The following PTPRD variants were observed in gnomAD, a reference collection of about 807,000 sequenced individuals.
PTPRD encodes receptor-type tyrosine-protein phosphatase delta.
PTPRD carries 34 observed loss-of-function variants against 214.5 expected under a neutral mutation model. That is an observed-to-expected ratio of 0.16 (90% CI 0.12 to 0.21). PTPRD has a LOEUF of 0.21. PTPRD is among the 10% of genes least tolerant of loss of function. The pLI, the probability that PTPRD is intolerant of heterozygous loss-of-function variation, is 1.00. For missense variants in PTPRD, 2,545 were observed against 2,398.7 expected (o/e 1.06, Z -1.27); for synonymous variants, 1,128 against 845.7 (o/e 1.33, Z -5.79).
chr9:9,640,847 ATTGTAAATAACGGATAC>A (rs1381433168), intron 7 of PTPRD, among the ~76,000 whole-genome samples: 1 of 152,212 alleles, frequency 6.6e-6, no homozygotes, highest in Non-Finnish European at 1.5e-5. Flanking sequence ...CTAAGAGGTC[ATTGTAAATAACGGATAC>A]TTAAAGCAAG....
intron 44 of PTPRD, among the ~76,000 whole-genome samples, chr9:8,326,016 C>T (rs1369823121): frequency 1.3e-5 from 2 of 152,180 alleles, no homozygotes; most frequent in Non-Finnish European, 2.9e-5. Flanking sequence ...CATGTGCAAA[C>T]AGAGACAATT....
intron 10 of PTPRD, among the ~76,000 whole-genome samples, chr9:9,075,847 TG>T (rs1334907636): frequency 6.6e-6 from 1 of 152,198 alleles, no homozygotes; most frequent in Non-Finnish European, 1.5e-5. Flanking sequence ...TCTTTGCTAT[TG>T]TGAATAGTGC....
At chr9:8,721,818 G>A (rs2154419682) in intron 12 of PTPRD, among the ~76,000 whole-genome samples, 1 of 152,308 alleles carries the variant, frequency 6.6e-6, no homozygotes, top group East Asian at 1.9e-4. Context: ...AAGAGCTTGT[G>A]AAAGGTCTAT....
chr9:9,568,016 T>C (rs1164343152), intron 8 of PTPRD, among the ~76,000 whole-genome samples: 1 of 151,664 alleles, frequency 6.6e-6, no homozygotes, highest in East Asian at 1.9e-4. Flanking sequence ...CATCTTTCAA[T>C]ATTGAGGGAT....
At chr9:9,631,185 T>C (rs754129825) in intron 7 of PTPRD, among the ~76,000 whole-genome samples, 8 of 128,034 alleles carry the variant, frequency 6.2e-5, no homozygotes, top group Non-Finnish European at 9.5e-5. Context: ...TAGACAAGTA[T>C]CTCATTCATA....
At chr9:10,097,666 C>T (rs562956447) in intron 3 of PTPRD, among the ~76,000 whole-genome samples, 1 of 151,714 alleles carries the variant, frequency 6.6e-6, no homozygotes, top group African/African-American at 2.4e-5. Context: ...TCTAGATATA[C>T]AATCATGTCG....
chr9:8,410,307 G>T (rs552514894), intron 35 of PTPRD, among the ~76,000 whole-genome samples: 1 of 152,304 alleles, frequency 6.6e-6, no homozygotes, highest in Admixed American at 6.5e-5. Flanking sequence ...AAAGTCCAGT[G>T]GTGAACAAAA....
intron 3 of PTPRD, among the ~76,000 whole-genome samples, chr9:10,131,981 C>T (rs1385796309): frequency 1.3e-5 from 2 of 152,066 alleles, no homozygotes; most frequent in Non-Finnish European, 2.9e-5. Context: ...TCTGGGTTAG[C>T]CTCTCTTCAA....
At chr9:10,342,542 G>A (rs1174927544) in intron 2 of PTPRD, among the ~76,000 whole-genome samples, 3 of 152,092 alleles carry the variant, frequency 2.0e-5, no homozygotes, top group South Asian at 2.1e-4. Flanking sequence ...CAACAGGATC[G>A]ATATTTCATG....
rs372648319 is a variant in PTPRD, at chr9:8,714,204, AG to A, written c.64+19575del. The stretch of plus-strand genomic sequence containing the variant: ...AGAAAATTTTTGTGTCTCAGTTATC[AG>A]TGCCATCAAGAGCAATGATTATTTT... On this transcript the variant is annotated intron_variant, in intron 12 of 45. Coordinates refer to ENST00000381196, the MANE Select transcript of PTPRD (RefSeq NM_002839.4). Among the ~76,000 whole-genome samples, 132 of 152,354 alleles carry A rather than the reference AG, an allele frequency of 8.7e-4. 1 individual carries two copies. The highest frequency in any genetic ancestry group is 3.0e-3 in the African/African-American group (125 of 41,590).
chr9:8,380,442 AC>A (rs1437850678), intron 37 of PTPRD, among the ~76,000 whole-genome samples: 1 of 152,186 alleles, frequency 6.6e-6, no homozygotes, highest in Non-Finnish European at 1.5e-5. Flanking sequence ...TAGAAACATC[AC>A]CCAGTAACTT....
At chr9:8,480,322 C>T (rs1454415314) in intron 30 of PTPRD, among the ~76,000 whole-genome samples, 1 of 152,118 alleles carries the variant, frequency 6.6e-6, no homozygotes, top group Non-Finnish European at 1.5e-5. Context: ...CTTTTTAAGC[C>T]TCAGCTTAAA....
intron 10 of PTPRD, among the ~76,000 whole-genome samples, chr9:9,082,496 C>T (rs1457862794): frequency 6.6e-6 from 1 of 152,058 alleles, no homozygotes; most frequent in Non-Finnish European, 1.5e-5. Context: ...AGACACAAGA[C>T]AAGGGTGCCC....
At chr9:10,412,632 AAACACAC>A (rs1374137705) in intron 2 of PTPRD, among the ~76,000 whole-genome samples, 15 of 39,598 alleles carry the variant, frequency 3.8e-4, no homozygotes, top group Admixed American at 2.0e-3. Flanking sequence ...ACACACACAC[AAACACAC>A]ACACACACAC....
At chr9:9,723,402 G>A (rs1045938807) in intron 7 of PTPRD, among the ~76,000 whole-genome samples, 3 of 152,024 alleles carry the variant, frequency 2.0e-5, no homozygotes, top group Non-Finnish European at 2.9e-5. Context: ...GTCTATGCTT[G>A]TAACAATGCC....
intron 10 of PTPRD, among the ~76,000 whole-genome samples, chr9:9,088,581 G>GAAAAAAAAAAAAAAAAAAAAAAA (rs533619970): frequency 3.0e-5 from 1 of 33,032 alleles, no homozygotes; most frequent in African/African-American, 9.4e-5. Flanking sequence ...CTTAGTCTCA[G>GAAAAAAAAAAAAAAAAAAAAAAA]AAAAAAAAAA....
At chr9:10,136,513 T>C (rs1400889483) in intron 3 of PTPRD, among the ~76,000 whole-genome samples, 2 of 152,004 alleles carry the variant, frequency 1.3e-5, no homozygotes, top group Non-Finnish European at 2.9e-5. Context: ...TTCCAAAAAA[T>C]AGAAATTATA....
intron 12 of PTPRD, among the ~76,000 whole-genome samples, chr9:8,667,943 A>C (rs1038866296): frequency 6.6e-6 from 1 of 152,140 alleles, no homozygotes; most frequent in Non-Finnish European, 1.5e-5. Flanking sequence ...GAAGTTGCCC[A>C]GTAAAAAATA....
chr9:8,486,308 T>C lies in PTPRD; in HGVS notation c.2509A>G (p.Asn837Asp). Residue 837 changes from asparagine to aspartate, a missense_variant, in exon 28 of 46, where the codon AAT (asparagine) becomes GAT (aspartate). Coordinates refer to ENST00000381196, the MANE Select transcript of PTPRD (RefSeq NM_002839.4). Reference sequence around the variant, plus strand: ...GGGTGCCACTGAATAAGAGCAGTATTCATCTGAGTGTGGTTAATCACAAGC... The same window carrying C: ...GGGTGCCACTGAATAAGAGCAGTATCCATCTGAGTGTGGTTAATCACAAGC... The part of the protein sequence containing the change: ...PRLVINHTQM[N>D]TALIQWHPPV... 1.2e-6 allele frequency: 2 copies of C among 1,614,140 alleles called. No individual in the cohort carries two copies. Among genetic ancestry groups the C allele is most frequent in the Non-Finnish European group, 1.7e-6 (2 of 1,180,006 alleles).
Sources: allele counts gnomAD v4.1 joint callset (sites outside exome capture counted in the v4.1 genomes callset), GRCh38; gene constraint gnomAD v4.1.1; transcripts MANE v1.5; gene names NCBI Gene and HGNC (gene_info 2026-07-23, HGNC 2026-07-21).